The following MAPKAPK5 variants were observed in gnomAD, a reference collection of about 807,000 sequenced individuals.
The protein encoded by MAPKAPK5 is MAP kinase-activated protein kinase 5.
MAPKAPK5 carries 30 observed loss-of-function variants against 65.1 expected under a neutral mutation model. The ratio of observed to expected loss-of-function variants is 0.46; its 90% confidence interval spans 0.34 to 0.63. MAPKAPK5 has a LOEUF of 0.63. Among genes scored for constraint, MAPKAPK5 ranks in the 20% least tolerant of loss-of-function variants. The pLI, the probability that MAPKAPK5 is intolerant of heterozygous loss-of-function variation, is 0.01. For missense variants in MAPKAPK5, 433 were observed against 581.4 expected (o/e 0.74, Z 2.63); for synonymous variants, 179 against 204.6 (o/e 0.87, Z 1.07).
intron 1 of MAPKAPK5, among the ~76,000 whole-genome samples, chr12:111,854,575 A>G (rs914805788): frequency 2.6e-5 from 4 of 151,844 alleles, no homozygotes; most frequent in African/African-American, 9.7e-5. Context: ...AGGGTATTTT[A>G]CAGCCAGGTG....
rs765402171 is a variant in MAPKAPK5, at chr12:111,865,420, GT to G, written c.110+98del. 1.2e-4 allele frequency: 98 copies of G among 828,286 alleles called. 1 individual carries two copies. In the East Asian group the frequency reaches 2.5e-3, roughly 21 times the overall value. The allele number at this position is 828,286 out of a possible 1,614,324, so 51.3% of individuals were successfully genotyped here. ...ACATCTTGAATTAGACACATCAGGT[GT>G]GCCAGATTTGAGGAATAGGCTGAAT... On this transcript the variant is annotated intron_variant, in intron 2 of 13. Transcript: ENST00000550735.
chr12:111,880,190 TG>T, intron 7 of MAPKAPK5: 3 of 484,286 alleles, frequency 6.2e-6, no homozygotes, highest in Non-Finnish European at 1.1e-5. Flanking sequence ...GATTCCTTGA[TG>T]GGCAGGAAGA....
chr12:111,861,660 G>T (rs1400782438), intron 1 of MAPKAPK5, among the ~76,000 whole-genome samples: 1 of 152,084 alleles, frequency 6.6e-6, no homozygotes, highest in South Asian at 2.1e-4. Context: ...CTTCTCAGGC[G>T]ATTGTGATGT....
chr12:111,883,505 T>C lies in MAPKAPK5; in HGVS notation c.661-76T>C. On this transcript the variant is annotated intron_variant, in intron 8 of 13. Coordinates refer to ENST00000550735, the MANE Select transcript of MAPKAPK5 (RefSeq NM_003668.4). This position sits in a 1 kb window ranked among gnomAD's most constrained non-coding sequence, Gnocchi z 4.8. Reference sequence around the variant, plus strand: ...TCAGCCTATATATTGCAGGGGCTATTCCTGAGCCTGTCATGGGGTGTTTAT... The same window carrying C: ...TCAGCCTATATATTGCAGGGGCTATCCCTGAGCCTGTCATGGGGTGTTTAT... 1 of 1,302,332 alleles carries C rather than the reference T, an allele frequency of 7.7e-7. No individual in the cohort carries two copies. The highest frequency in any genetic ancestry group is 2.3e-5 in the East Asian group (1 of 43,314). The allele number at this position is 1,302,332 out of a possible 1,614,324, so 80.7% of individuals were successfully genotyped here.
chr12:111,860,546 T>C (rs1457745806), intron 1 of MAPKAPK5, among the ~76,000 whole-genome samples: 2 of 152,138 alleles, frequency 1.3e-5, no homozygotes, highest in Non-Finnish European at 2.9e-5. Flanking sequence ...CACCCCAAAT[T>C]GAGTCCACCC....
intron 1 of MAPKAPK5, among the ~76,000 whole-genome samples, chr12:111,843,975 T>G (rs749746114): frequency 6.7e-6 from 1 of 149,262 alleles, no homozygotes; most frequent in Non-Finnish European, 1.5e-5. Flanking sequence ...CACCACGCCC[T>G]GCTAATTTTT....
intron 13 of MAPKAPK5, among the ~76,000 whole-genome samples, chr12:111,891,959 T>C (rs2070630822): frequency 6.6e-6 from 1 of 152,226 alleles, no homozygotes; most frequent in African/African-American, 2.4e-5. Context: ...CCTCTTCCAG[T>C]CACTCCCTCC....
chr12:111,868,103 T>G (rs913811888), intron 4 of MAPKAPK5, among the ~76,000 whole-genome samples: 66 of 152,258 alleles, frequency 4.3e-4, no homozygotes, highest in African/African-American at 1.5e-3. Flanking sequence ...AAGCCTTTAT[T>G]ATTGCTTAGT....
intron 7 of MAPKAPK5, among the ~76,000 whole-genome samples, chr12:111,873,285 CATTTGTAAAAGG>C (rs2069843873): frequency 6.6e-6 from 1 of 152,088 alleles, no homozygotes; most frequent in Non-Finnish European, 1.5e-5. Flanking sequence ...TACAAATCAT[CATTTGTAAAAGG>C]ATTTGTAAAA....
chr12:111,882,848 C>CTGTA, intron 8 of MAPKAPK5: 11 of 985,450 alleles, frequency 1.1e-5, no homozygotes, highest in Non-Finnish European at 1.2e-5. Context: ...CTGTGCTGTA[C>CTGTA]TGTAGGTGAG....
At chr12:111,889,874 C>T (rs561481227) in intron 12 of MAPKAPK5, 166 bp from the exon 13 acceptor site, 33 of 570,752 alleles carry the variant, frequency 5.8e-5, no homozygotes, top group Non-Finnish European at 9.2e-5. Context: ...ATACCAGATG[C>T]GGTCTACATA....
At chr12:111,852,228 C>T (rs1275124723) in intron 1 of MAPKAPK5, among the ~76,000 whole-genome samples, 1 of 152,184 alleles carries the variant, frequency 6.6e-6, no homozygotes, top group East Asian at 1.9e-4. Context: ...AAAAGTCAGA[C>T]AGAAATGAGG....
At chr12:111,861,532 T>G (rs2069436044) in intron 1 of MAPKAPK5, among the ~76,000 whole-genome samples, 1 of 152,090 alleles carries the variant, frequency 6.6e-6, no homozygotes, top group Non-Finnish European at 1.5e-5. Flanking sequence ...TTCACCATGT[T>G]GGTCAGGCTG....
intron 1 of MAPKAPK5, 74 bp downstream of exon 1, chr12:111,842,843 G>A: frequency 8.0e-7 from 1 of 1,248,744 alleles, no homozygotes; most frequent in African/African-American, 1.5e-5. Flanking sequence ...CAAAAAGCAG[G>A]GAGATTTTGC....
intron 1 of MAPKAPK5, among the ~76,000 whole-genome samples, chr12:111,852,835 G>GCAA (rs1163701182): frequency 6.6e-6 from 1 of 151,994 alleles, no homozygotes; most frequent in Non-Finnish European, 1.5e-5. Context: ...GTGCAGTAGT[G>GCAA]CAATCTCGGC....
At chr12:111,867,754 C>A in intron 4 of MAPKAPK5, 85 bp downstream of exon 4, 1 of 918,290 alleles carries the variant, frequency 1.1e-6, no homozygotes, top group Non-Finnish European at 1.7e-6. Flanking sequence ...TGCTCCCTCC[C>A]CTTCCCTCTC....
chr12:111,850,030 T>TTC, intron 1 of MAPKAPK5, among the ~76,000 whole-genome samples: 1 of 138,732 alleles, frequency 7.2e-6, no homozygotes, highest in Non-Finnish European at 1.5e-5. Context: ...GGTTGTGAAA[T>TTC]ATCCTTTTTT....
intron 1 of MAPKAPK5, among the ~76,000 whole-genome samples, chr12:111,853,827 G>A (rs376165134): frequency 3.3e-5 from 5 of 152,126 alleles, no homozygotes; most frequent in African/African-American, 9.7e-5. Context: ...AAGCCACTAC[G>A]CCCGGCCTGG....
At position 111,898,016 on chromosome 12, in the gene MAPKAPK5, T is replaced by G. The variant is rs1234900278; in HGVS notation, c.*4955T>G. 2.0e-5 allele frequency: 3 copies of G among 151,962 alleles called. No individual in the cohort carries two copies. The highest frequency in any genetic ancestry group is 6.6e-5 in the Admixed American group (1 of 15,220). The allele number at this position is 151,962 out of a possible 1,614,324, so 9.4% of individuals were successfully genotyped here. A position where few individuals can be genotyped will look rare whatever the true frequency, so the allele number is the denominator to read the frequency against. On this transcript the variant is annotated 3_prime_UTR_variant, in exon 14 of 14. Coordinates refer to ENST00000550735, the MANE Select transcript of MAPKAPK5 (RefSeq NM_003668.4). ...GTACTGCTAAATACACCAAGGAAAT[T>G]GACATCAAAACCAAATTCAAGGACT... is the stretch of plus-strand genomic sequence containing the variant.
Sources: allele counts gnomAD v4.1 joint callset (sites outside exome capture counted in the v4.1 genomes callset), GRCh38; gene constraint gnomAD v4.1.1; non-coding constraint Gnocchi (gnomAD v3.1); transcripts MANE v1.5; gene names NCBI Gene and HGNC (gene_info 2026-07-23, HGNC 2026-07-21).